The following ASAP2 variants were observed in gnomAD, a reference collection of about 807,000 sequenced individuals.
ASAP2 encodes the protein arf-GAP with SH3 domain, ANK repeat and PH domain-containing protein 2.
Under a neutral mutation model 131.4 loss-of-function variants are expected in ASAP2, and 45 were observed. That is an observed-to-expected ratio of 0.34 (90% CI 0.27 to 0.44). The LOEUF (loss-of-function observed/expected upper bound fraction) is 0.44. ASAP2 is among the 20% of genes least tolerant of loss of function. ASAP2 has a pLI of 1.00. For synonymous variants in ASAP2, 510 were observed against 503.0 expected, an observed-to-expected ratio of 1.01 and a Z score of -0.19; for missense variants, 1,011 against 1,297.0, an observed-to-expected ratio of 0.78 and a Z score of 3.39.
rs535023470 is a variant in ASAP2, at chr2:9,321,535, G to C, written c.470+1198G>C. ...GGGACCAGCGGATTCCTGCTTTGCA[G>C]AGGGAAAACCAAGAGTCAGTGGTTT... On this transcript the variant is annotated intron_variant, in intron 5 of 27. Transcript: ENST00000281419. 2.0e-4 allele frequency among the ~76,000 whole-genome samples: 31 copies of C among 152,240 alleles called. No individual in the cohort carries two copies. The South Asian group carries it at 6.2e-3, about 31-fold the overall frequency.
intron 7 of ASAP2, among the ~76,000 whole-genome samples, chr2:9,332,468 A>G (rs1422701596): frequency 1.3e-5 from 2 of 152,212 alleles, no homozygotes; most frequent in African/African-American, 2.4e-5. Flanking sequence ...GGGCTATTAC[A>G]GAGATGAAAT....
chr2:9,374,531 A>G (rs796540558), intron 16 of ASAP2, among the ~76,000 whole-genome samples: 6 of 152,320 alleles, frequency 3.9e-5, no homozygotes, highest in African/African-American at 1.4e-4. Context: ...GGGTGGGCTG[A>G]GAGAACATGG....
chr2:9,368,680 G>T (rs1383018879), intron 16 of ASAP2, among the ~76,000 whole-genome samples, 161 bp downstream of exon 16: 1 of 152,092 alleles, frequency 6.6e-6, no homozygotes, highest in Non-Finnish European at 1.5e-5. Flanking sequence ...AACCTTTTGG[G>T]TGACCAAATA....
At chr2:9,289,716 A>G (rs907670902) in intron 2 of ASAP2, among the ~76,000 whole-genome samples, 3 of 152,180 alleles carry the variant, frequency 2.0e-5, no homozygotes, top group Non-Finnish European at 4.4e-5. Context: ...GATCATTAAT[A>G]TAAGGCAGGA....
rs55698003 is a variant in ASAP2, at chr2:9,281,890, A to G, written c.199+2501A>G. Among the ~76,000 whole-genome samples, 32,921 of 152,108 alleles carry G rather than the reference A, an allele frequency of 0.22. 3,812 individuals are homozygous for G. The highest frequency in any genetic ancestry group is 0.27 in the Non-Finnish European group (18,359 of 67,992). On this transcript the variant is annotated intron_variant, in intron 2 of 27. Transcript: ENST00000281419. This position sits in a 1 kb window ranked among gnomAD's most constrained non-coding sequence, Gnocchi z 4.0. Reference sequence around the variant, plus strand: ...CCAGATGAGTTCCGAGCTCTTGTGCATTGCCTGGACTCAGGCCACCTGTCC... The same window carrying G: ...CCAGATGAGTTCCGAGCTCTTGTGCGTTGCCTGGACTCAGGCCACCTGTCC...
At position 9,237,243 on chromosome 2, in the gene ASAP2, A is replaced by G. The variant is rs538284522; in HGVS notation, c.126+30013A>G. ...TGTTGCTTTCTGACTTTTGCTTTTC[A>G]AAAAGTGAAAATGGAAAAGTTTAAC... On this transcript the variant is annotated intron_variant, in intron 1 of 27. Coordinates refer to ENST00000281419, the MANE Select transcript of ASAP2 (RefSeq NM_003887.3). 3.9e-5 allele frequency among the ~76,000 whole-genome samples: 6 copies of G among 152,272 alleles called. No individual in the cohort carries two copies. In the East Asian group the frequency reaches 1.2e-3, roughly 29 times the overall value.
chr2:9,229,155 C>G (rs1051784516), intron 1 of ASAP2, among the ~76,000 whole-genome samples: 5 of 152,114 alleles, frequency 3.3e-5, no homozygotes, highest in African/African-American at 1.2e-4. Flanking sequence ...TGGAGCCCCC[C>G]CCGCATCATC....
chr2:9,282,523 G>T (rs1291445635), intron 2 of ASAP2, among the ~76,000 whole-genome samples: 1 of 152,182 alleles, frequency 6.6e-6, no homozygotes, highest in Non-Finnish European at 1.5e-5. Context: ...TCAGAAATAA[G>T]TCAGGCATAT....
At position 9,284,448 on chromosome 2, in the gene ASAP2, A is replaced by C. The variant is rs577315683; in HGVS notation, c.199+5059A>C. Among the ~76,000 whole-genome samples, 6 of 152,360 alleles carry C rather than the reference A, an allele frequency of 3.9e-5. No individual in the cohort carries two copies. The South Asian group carries it at 1.0e-3, about 26-fold the overall frequency. On this transcript the variant is annotated intron_variant, in intron 2 of 27. Transcript: ENST00000281419. ...GAGATGGTGTCATTTAGGATAAAGA[A>C]GACGTAGGTATTAGAATCCAAGAAC...
At chr2:9,317,601 C>T (rs939301364) in intron 3 of ASAP2, among the ~76,000 whole-genome samples, 2 of 150,856 alleles carry the variant, frequency 1.3e-5, no homozygotes, top group African/African-American at 4.9e-5. Flanking sequence ...ATCACATTCA[C>T]GCACTCACAT....
intron 1 of ASAP2, among the ~76,000 whole-genome samples, chr2:9,233,341 T>C (rs1033039889): frequency 6.6e-6 from 1 of 152,228 alleles, no homozygotes; most frequent in Non-Finnish European, 1.5e-5. Context: ...GATGAGAAGG[T>C]TACCTTGATG....
At chr2:9,265,223 A>G (rs1665862333) in intron 1 of ASAP2, among the ~76,000 whole-genome samples, 3 of 152,282 alleles carry the variant, frequency 2.0e-5, no homozygotes, top group South Asian at 2.1e-4. Flanking sequence ...CATTAGATAT[A>G]AGTAATCTAG....
At chr2:9,322,098 C>T (rs1384122857) in intron 5 of ASAP2, among the ~76,000 whole-genome samples, 1 of 152,114 alleles carries the variant, frequency 6.6e-6, no homozygotes, top group Non-Finnish European at 1.5e-5. Context: ...TCCCAGGGAC[C>T]CTCCAGTCAC....
Position 9,232,384 on chromosome 2 carries a change from T to G in ASAP2, c.126+25154T>G, listed in dbSNP as rs1663232596. Reference sequence around the variant, plus strand: ...CCTTGGAGGCCACATTAGAGGGCCCTCCTCTGCTGGCTTTGTGCCCCCGTA... The same window carrying G: ...CCTTGGAGGCCACATTAGAGGGCCCGCCTCTGCTGGCTTTGTGCCCCCGTA... On this transcript the variant is annotated intron_variant, in intron 1 of 27. Transcript: ENST00000281419. The surrounding 1 kb of genome is among the most constrained non-coding windows in gnomAD (Gnocchi z 4.1). Among the ~76,000 whole-genome samples the G allele has an allele frequency of 1.3e-5, 2 of 152,202 alleles. No homozygotes were observed. The highest frequency in any genetic ancestry group is 4.8e-5 in the African/African-American group (2 of 41,452).
chr2:9,379,001 G>A lies in ASAP2; in HGVS notation c.1890G>A (p.Leu630=), dbSNP rs1392105680. 6.3e-7 allele frequency: 1 copy of A among 1,575,822 alleles called. No individual in the cohort carries two copies. Among genetic ancestry groups the A allele is most frequent in the Non-Finnish European group, 8.6e-7 (1 of 1,160,240 alleles). Reference sequence around the variant, plus strand: ...GCACAGCCCTGCACTACTGCTGCCTGACCGACAATGCCGAGTGCCTCAAGT... The same window carrying A: ...GCACAGCCCTGCACTACTGCTGCCTAACCGACAATGCCGAGTGCCTCAAGT... The part of the protein sequence containing the change: ...KGSTALHYCC[L]TDNAECLKLL... Residue 630 remains leucine, a synonymous_variant, in exon 19 of 28, where the codon CTG becomes CTA. Coordinates refer to ENST00000281419, the MANE Select transcript of ASAP2 (RefSeq NM_003887.3).
intron 1 of ASAP2, among the ~76,000 whole-genome samples, chr2:9,267,897 CAAAAAAAAA>C (rs34716225): frequency 6.2e-5 from 4 of 65,006 alleles, no homozygotes; most frequent in African/African-American, 2.8e-4. Context: ...GACTCTATCT[CAAAAAAAAA>C]AAAAAAAAAA....
intron 15 of ASAP2, among the ~76,000 whole-genome samples, chr2:9,362,682 AT>A (rs1015175291): frequency 1.3e-5 from 2 of 151,994 alleles, no homozygotes; most frequent in African/African-American, 4.8e-5. Flanking sequence ...TCTACAAATA[AT>A]TTTTTAAAAC....
intron 3 of ASAP2, among the ~76,000 whole-genome samples, chr2:9,304,000 T>A (rs1411591450): frequency 6.6e-6 from 1 of 152,198 alleles, no homozygotes; most frequent in African/African-American, 2.4e-5. Context: ...AACTCCTGCC[T>A]GGGCAGGGGA....
At position 9,348,769 on chromosome 2, in the gene ASAP2, C is replaced by T. The variant is rs763076150; in HGVS notation, c.1024-2039C>T. The stretch of plus-strand genomic sequence containing the variant: ...ATCTATCTTTGATAGTAGTTAAGAA[C>T]GAACACCTTTCCCCGTATCACAGGG... On this transcript the variant is annotated intron_variant, in intron 11 of 27. Coordinates refer to ENST00000281419, the MANE Select transcript of ASAP2 (RefSeq NM_003887.3). Among the ~76,000 whole-genome samples, 6 of 152,222 alleles carry T rather than the reference C, an allele frequency of 3.9e-5. No homozygotes were observed. The East Asian group carries it at 1.2e-3, about 29-fold the overall frequency.
Sources: allele counts gnomAD v4.1 joint callset (sites outside exome capture counted in the v4.1 genomes callset), GRCh38; gene constraint gnomAD v4.1.1; non-coding constraint Gnocchi (gnomAD v3.1); transcripts MANE v1.5; gene names NCBI Gene and HGNC (gene_info 2026-07-23, HGNC 2026-07-21).